KIT: variants seen among roughly 807,000 people sequenced by gnomAD.
KIT encodes mast/stem cell growth factor receptor Kit.
In KIT, 16 loss-of-function variants were observed where a neutral mutation model predicts 105.7. The ratio of observed to expected loss-of-function variants is 0.15; its 90% CI spans 0.10 to 0.23. KIT has a LOEUF of 0.23. Among genes scored for constraint, KIT ranks in the 10% least tolerant of loss-of-function variants. The probability of loss-of-function intolerance (pLI) is 1.00; values close to 1 mark genes in which losing one functional copy is unlikely to be tolerated. For synonymous variants in KIT, 438 were observed against 441.1 expected (o/e 0.99, Z 0.09); for missense variants, 858 against 1,213.8 (o/e 0.71, Z 4.36).
intron 1 of KIT, among the ~76,000 whole-genome samples, chr4:54,663,956 A>C (rs1717489167): frequency 6.6e-6 from 1 of 152,194 alleles, no homozygotes; most frequent in South Asian, 2.1e-4. Flanking sequence ...CCTACGTTAC[A>C]GGCTGGGGGT....
chr4:54,737,719 A>G (rs1227145847), intron 20 of KIT, among the ~76,000 whole-genome samples: 1 of 152,262 alleles, frequency 6.6e-6, no homozygotes, highest in African/African-American at 2.4e-5. Context: ...TCAAACAAGC[A>G]TAGCCAGAAA....
intron 1 of KIT, among the ~76,000 whole-genome samples, chr4:54,676,555 C>T (rs1011501484): frequency 1.3e-5 from 2 of 152,146 alleles, no homozygotes; most frequent in Non-Finnish European, 2.9e-5. Flanking sequence ...TACCATGGGA[C>T]AGTGCTGCAG....
chr4:54,684,270 G>A (rs767515000), intron 1 of KIT, among the ~76,000 whole-genome samples: 1 of 152,074 alleles, frequency 6.6e-6, no homozygotes, highest in Non-Finnish European at 1.5e-5. Context: ...TAGCCTTGGC[G>A]AACCTGGGAA....
At chr4:54,690,470 C>G (rs1719632355) in intron 1 of KIT, among the ~76,000 whole-genome samples, 1 of 152,198 alleles carries the variant, frequency 6.6e-6, no homozygotes, top group Non-Finnish European at 1.5e-5. Flanking sequence ...ATAAATAGTT[C>G]CCGGAGTTCC....
chr4:54,690,362 T>C (rs1719622278), intron 1 of KIT, among the ~76,000 whole-genome samples: 1 of 152,242 alleles, frequency 6.6e-6, no homozygotes, highest in South Asian at 2.1e-4. Flanking sequence ...CATTGTTGAC[T>C]CTTCGTAAGT....
At chr4:54,692,595 TATC>T (rs1719786289) in intron 1 of KIT, among the ~76,000 whole-genome samples, 1 of 152,222 alleles carries the variant, frequency 6.6e-6, no homozygotes, top group Admixed American at 6.5e-5. Context: ...TTGCTATCAA[TATC>T]ATGCACATTC....
intron 1 of KIT, among the ~76,000 whole-genome samples, chr4:54,671,057 A>G (rs934566282): frequency 1.3e-5 from 2 of 152,202 alleles, no homozygotes; most frequent in Admixed American, 1.3e-4. Context: ...TCAAGTTTCA[A>G]TGCTCCTGTT....
At position 54,740,184 on chromosome 4, in the gene KIT, G is replaced by A. The variant is rs1167971360; in HGVS notation, c.*1627G>A. On this transcript the variant is annotated 3_prime_UTR_variant, in exon 21 of 21. Transcript: ENST00000288135. ...CTTAGACTACATTTAGAGAACTGTG[G>A]CCGTTATCTGGAAGTAACCATTTGC... is the stretch of plus-strand genomic sequence containing the variant. The A allele has an allele frequency of 8.6e-6, 2 of 233,464 alleles. No individual in the cohort carries two copies. The highest frequency in any genetic ancestry group is 4.4e-5 in the African/African-American group (2 of 45,334). The allele number at this position is 233,464 out of a possible 1,614,324, so 14.5% of individuals were successfully genotyped here.
At chr4:54,678,152 G>A (rs78583387) in intron 1 of KIT, among the ~76,000 whole-genome samples, 8,031 of 152,140 alleles carry the variant, frequency 0.053, 238 homozygotes, top group Middle Eastern at 0.075. Context: ...TCAGAATACC[G>A]TAGCTACCAT....
chr4:54,687,294 C>T (rs889571655), intron 1 of KIT, among the ~76,000 whole-genome samples: 1 of 151,904 alleles, frequency 6.6e-6, no homozygotes, highest in Admixed American at 6.6e-5. Flanking sequence ...AGAAATTAGC[C>T]GGGTATGGTT....
At chr4:54,730,141 G>T (rs1722496230) in intron 14 of KIT, among the ~76,000 whole-genome samples, 1 of 152,120 alleles carries the variant, frequency 6.6e-6, no homozygotes, top group Non-Finnish European at 1.5e-5. Context: ...AACCAGAAAA[G>T]AATTCTTCTC....
intron 7 of KIT, among the ~76,000 whole-genome samples, chr4:54,719,520 G>A (rs1471803291): frequency 6.6e-6 from 1 of 152,054 alleles, no homozygotes; most frequent in Non-Finnish European, 1.5e-5. Flanking sequence ...GGTGTTGTTG[G>A]CGATATCAGA....
chr4:54,714,088 T>C (rs1342937477), intron 7 of KIT, among the ~76,000 whole-genome samples: 2 of 152,352 alleles, frequency 1.3e-5, no homozygotes, highest in South Asian at 2.1e-4. Flanking sequence ...ACTTTTGGAA[T>C]TGCTTATCCA....
At chr4:54,723,408 C>T (rs1722013064) in intron 7 of KIT, among the ~76,000 whole-genome samples, 176 bp from the exon 8 acceptor site, 2 of 152,190 alleles carry the variant, frequency 1.3e-5, no homozygotes, top group Admixed American at 1.3e-4. Flanking sequence ...TGGGTTGGAC[C>T]CTGACAGCCG....
intron 1 of KIT, among the ~76,000 whole-genome samples, chr4:54,694,269 T>C (rs1368590687): frequency 6.6e-6 from 1 of 152,172 alleles, no homozygotes; most frequent in Non-Finnish European, 1.5e-5. Context: ...TTTGCCCTTA[T>C]GATATGGTTA....
chr4:54,725,712 GCTTATT>G, intron 8 of KIT, 139 bp from the exon 9 acceptor site: 1 of 795,776 alleles, frequency 1.3e-6, no homozygotes, highest in Non-Finnish European at 2.1e-6. Flanking sequence ...TCACCAAAGT[GCTTATT>G]CTTAGACACT....
chr4:54,701,119 G>C (rs1036764829), intron 4 of KIT, among the ~76,000 whole-genome samples: 1 of 152,124 alleles, frequency 6.6e-6, no homozygotes, highest in Non-Finnish European at 1.5e-5. Context: ...GTTTTGTTCT[G>C]AACCATTTTT....
intron 16 of KIT, 135 bp from the exon 17 acceptor site, chr4:54,732,935 T>C (rs1722700591): frequency 1.5e-6 from 1 of 656,818 alleles, no homozygotes; most frequent in South Asian, 1.9e-5. Context: ...TTATTTTTGG[T>C]GTACTGAATA....
At position 54,703,675 on chromosome 4, in the gene KIT, A is replaced by G. The variant is rs747157762; in HGVS notation, c.757-49A>G. ...TTATCTAGGAAAGATTCTGAATATAAATTATATGGTAATCTTCATTTTTTT... is the reference window on the plus strand; with the variant it reads ...TTATCTAGGAAAGATTCTGAATATAGATTATATGGTAATCTTCATTTTTTT... On this transcript the variant is annotated intron_variant, in intron 4 of 20. Coordinates refer to ENST00000288135, the MANE Select transcript of KIT (RefSeq NM_000222.3). 9 of 1,477,410 alleles carry G rather than the reference A, an allele frequency of 6.1e-6. No homozygotes were observed. In the South Asian group the frequency reaches 1.0e-4, roughly 17 times the overall value. The allele number at this position is 1,477,410 out of a possible 1,614,324, so 91.5% of individuals were successfully genotyped here. A position where few individuals can be genotyped will look rare whatever the true frequency, so the allele number is the denominator to read the frequency against.
Sources: allele counts gnomAD v4.1 joint callset (sites outside exome capture counted in the v4.1 genomes callset), GRCh38; gene constraint gnomAD v4.1.1; transcripts MANE v1.5; gene names NCBI Gene and HGNC (gene_info 2026-07-23, HGNC 2026-07-21).